PCDH7: variants seen among roughly 807,000 people sequenced by gnomAD.
PCDH7 encodes protocadherin-7.
In PCDH7, 17 loss-of-function variants were observed where a neutral mutation model predicts 58.9. The ratio of observed to expected loss-of-function variants is 0.29; its 90% CI spans 0.20 to 0.43. The LOEUF (loss-of-function observed/expected upper bound fraction) is 0.43. PCDH7 is among the 20% of genes least tolerant of loss of function. PCDH7 has a pLI of 1.00. For synonymous variants in PCDH7, 664 were observed against 616.4 expected (o/e 1.08, Z -1.14); for missense variants, 1,274 against 1,441.0 (o/e 0.88, Z 1.88).
chr4:30,812,381 A>G (rs1475056591), intron 1 of PCDH7, among the ~76,000 whole-genome samples: 1 of 152,220 alleles, frequency 6.6e-6, no homozygotes, highest in Admixed American at 6.5e-5. Context: ...AATTTACATG[A>G]AAAATAATGT....
At chr4:30,907,867 T>C (rs1741178604) in intron 1 of PCDH7, among the ~76,000 whole-genome samples, 1 of 152,140 alleles carries the variant, frequency 6.6e-6, no homozygotes, top group African/African-American at 2.4e-5. Flanking sequence ...CCAGCAATGA[T>C]AAACTAGATT....
chr4:30,937,047 AAG>A (rs66492445), intron 2 of PCDH7, among the ~76,000 whole-genome samples: 105,169 of 151,528 alleles, frequency 0.69, 36,516 homozygotes, highest in East Asian at 0.78. Context: ...GAAGAGGCAT[AAG>A]AAAATATTGC....
chr4:31,051,464 A>G (rs1282870737), intron 3 of PCDH7, among the ~76,000 whole-genome samples: 19 of 152,192 alleles, frequency 1.2e-4, no homozygotes, highest in Admixed American at 1.2e-3. Flanking sequence ...CAGATAAGTA[A>G]TCTAGCTTCC....
intron 3 of PCDH7, among the ~76,000 whole-genome samples, chr4:31,111,172 A>C (rs759512307): frequency 6.6e-6 from 1 of 152,170 alleles, no homozygotes; most frequent in Non-Finnish European, 1.5e-5. Flanking sequence ...TACAAACTGC[A>C]AACAAATATC....
intron 1 of PCDH7, among the ~76,000 whole-genome samples, chr4:30,907,381 T>C (rs898235263): frequency 1.3e-5 from 2 of 152,072 alleles, no homozygotes; most frequent in African/African-American, 4.8e-5. Context: ...ATATCCAGAA[T>C]CTACAAGGAA....
At chr4:30,872,031 A>C (rs182348942) in intron 1 of PCDH7, among the ~76,000 whole-genome samples, 37 of 152,174 alleles carry the variant, frequency 2.4e-4, no homozygotes, top group East Asian at 1.2e-3. Context: ...CCTTTATTAC[A>C]TCTGCATATT....
intron 3 of PCDH7, among the ~76,000 whole-genome samples, chr4:30,985,121 T>A (rs1750863771): frequency 6.6e-6 from 1 of 152,082 alleles, no homozygotes; most frequent in Non-Finnish European, 1.5e-5. Context: ...CACACCCAGT[T>A]AATTTTTGTA....
chr4:31,099,816 A>G (rs1422434311), intron 3 of PCDH7, among the ~76,000 whole-genome samples: 1 of 152,148 alleles, frequency 6.6e-6, no homozygotes, highest in Admixed American at 6.6e-5. Context: ...ATATATATAT[A>G]AAAGATTTGA....
intron 1 of PCDH7, among the ~76,000 whole-genome samples, chr4:30,770,058 G>A (rs1721204386): frequency 6.6e-6 from 1 of 152,150 alleles, no homozygotes; most frequent in Non-Finnish European, 1.5e-5. Context: ...ATTAAGAGTG[G>A]TGTACTCGTA....
intron 3 of PCDH7, among the ~76,000 whole-genome samples, chr4:31,014,242 G>T (rs7689488): frequency 2.0e-5 from 3 of 151,926 alleles, no homozygotes; most frequent in Admixed American, 2.0e-4. Flanking sequence ...AAAAATGCTT[G>T]GAATGCTGCC....
chr4:30,879,041 G>A (rs1353312215), intron 1 of PCDH7, among the ~76,000 whole-genome samples: 1 of 152,000 alleles, frequency 6.6e-6, no homozygotes, highest in East Asian at 1.9e-4. Flanking sequence ...ATATATATGT[G>A]AAATATTATA....
At chr4:30,822,624 T>C (rs1433616317) in intron 1 of PCDH7, among the ~76,000 whole-genome samples, 1 of 151,060 alleles carries the variant, frequency 6.6e-6, no homozygotes, top group Non-Finnish European at 1.5e-5. Flanking sequence ...AAAATTTATA[T>C]TTTTTTTTAG....
At chr4:30,899,218 C>A (rs2109392825) in intron 1 of PCDH7, among the ~76,000 whole-genome samples, 1 of 152,164 alleles carries the variant, frequency 6.6e-6, no homozygotes, top group Middle Eastern at 3.4e-3. Flanking sequence ...CAGAACAATG[C>A]AAATTCTAAA....
chr4:30,991,173 C>T (rs1751434460), intron 3 of PCDH7, among the ~76,000 whole-genome samples: 1 of 152,148 alleles, frequency 6.6e-6, no homozygotes, highest in Non-Finnish European at 1.5e-5. Flanking sequence ...GCAATCAAGA[C>T]TCAAGTCACC....
intron 1 of PCDH7, among the ~76,000 whole-genome samples, chr4:30,754,128 A>G (rs1718942159): frequency 6.6e-6 from 1 of 151,768 alleles, no homozygotes; most frequent in Non-Finnish European, 1.5e-5. Context: ...CTTCTTATCT[A>G]TTCAAAACTG....
rs1254786940 is a variant in PCDH7 at position 30,964,254 on chromosome 4, T to A, written c.*7+14039T>A. Reference sequence around the variant, plus strand: ...TATTTATTTATTTATTTATTTATTTTTTTTTGAGATGAAATCTGGCTCTGT... The same window carrying A: ...TATTTATTTATTTATTTATTTATTTATTTTTGAGATGAAATCTGGCTCTGT... On this transcript the variant is annotated intron_variant, in intron 3 of 3. Coordinates refer to the PCDH7 transcript ENST00000509759. Among the ~76,000 whole-genome samples the A allele has an allele frequency of 4.1e-4, 61 of 149,282 alleles. 1 individual carries two copies. Among genetic ancestry groups the A allele is most frequent in the African/African-American group, 1.4e-3 (58 of 40,514 alleles).
At chr4:31,097,587 CATAT>C (rs1190443409) in intron 3 of PCDH7, among the ~76,000 whole-genome samples, 276 of 39,958 alleles carry the variant, frequency 6.9e-3, no homozygotes, top group Non-Finnish European at 0.012. Flanking sequence ...TCCAAATATA[CATAT>C]ATATATATAT....
chr4:31,039,286 C>G (rs1253193432), intron 3 of PCDH7, among the ~76,000 whole-genome samples: 1 of 152,216 alleles, frequency 6.6e-6, no homozygotes, highest in Admixed American at 6.5e-5. Flanking sequence ...TAGAGCTGCT[C>G]TAAAGGCTGA....
At chr4:30,749,454 G>A (rs899756425) in intron 1 of PCDH7, among the ~76,000 whole-genome samples, 1 of 152,094 alleles carries the variant, frequency 6.6e-6, no homozygotes, top group Non-Finnish European at 1.5e-5. Flanking sequence ...AACGCATTAA[G>A]CATCCTTCTT....
Sources: gnomAD v4.1 joint callset for allele counts (sites outside exome capture counted in the v4.1 genomes callset) on GRCh38, gnomAD v4.1.1 for gene constraint, MANE v1.5 for transcripts, NCBI Gene and HGNC (gene_info 2026-07-23, HGNC 2026-07-21) for gene names.